FRYL: variants seen among roughly 807,000 people sequenced by gnomAD.
FRYL encodes FRY like transcription coactivator, also known as protein furry homolog-like.
In FRYL, 150 loss-of-function variants were observed where a neutral mutation model predicts 351.2. That is an observed-to-expected ratio of 0.43 (90% CI 0.37 to 0.49). The LOEUF (loss-of-function observed/expected upper bound fraction) is 0.49, where lower values mean the gene tolerates loss of function less well. Ranked by LOEUF, FRYL falls within the 20% of genes least tolerant of loss-of-function variation. The pLI is 0.00. For synonymous variants in FRYL, 1,153 were observed against 1,257.1 expected (o/e 0.92, Z 1.75); for missense variants, 3,036 against 3,619.3 (o/e 0.84, Z 4.13).
chr4:48,523,767 A>G (rs1461654798), intron 53 of FRYL, among the ~76,000 whole-genome samples: 2 of 152,252 alleles, frequency 1.3e-5, no homozygotes, highest in South Asian at 2.1e-4. Context: ...TTCAAGATTT[A>G]CAAAGGTTTA....
intron 2 of FRYL, among the ~76,000 whole-genome samples, chr4:48,694,150 G>C (rs1657318973): frequency 6.6e-6 from 1 of 152,132 alleles, no homozygotes; most frequent in Non-Finnish European, 1.5e-5. Context: ...AAGAGATTAA[G>C]CTGCATATCT....
At chr4:48,553,916 T>C (rs1025350433) in intron 35 of FRYL, among the ~76,000 whole-genome samples, 9 of 152,192 alleles carry the variant, frequency 5.9e-5, no homozygotes, top group African/African-American at 1.4e-4. Flanking sequence ...AACTCTATCA[T>C]TGGAAAGTTG....
intron 15 of FRYL, among the ~76,000 whole-genome samples, chr4:48,594,792 T>A (rs1228761308): frequency 1.3e-5 from 2 of 152,198 alleles, no homozygotes; most frequent in Non-Finnish European, 2.9e-5. Flanking sequence ...GTTGACGAGA[T>A]AACCTTACCT....
chr4:48,544,960 G>A lies in FRYL; in HGVS notation c.5280-56C>T, dbSNP rs548513119. On this transcript the variant is annotated intron_variant, in intron 42 of 63. Transcript: ENST00000358350. ...GGATTTTCACTTGTGATTAACAGTTGTACTCACACTTGCCTAAATTACACC... is the reference window on the plus strand; with the variant it reads ...GGATTTTCACTTGTGATTAACAGTTATACTCACACTTGCCTAAATTACACC... The A allele has an allele frequency of 1.0e-4, 155 of 1,545,642 alleles. No individual in the cohort carries two copies. The East Asian group carries it at 3.4e-3, about 34-fold the overall frequency.
intron 35 of FRYL, among the ~76,000 whole-genome samples, chr4:48,553,897 C>A (rs1257277423): frequency 2.6e-5 from 4 of 152,082 alleles, no homozygotes; most frequent in Non-Finnish European, 5.9e-5. Flanking sequence ...TGTGGATATA[C>A]CACTTACTAA....
intron 4 of FRYL, among the ~76,000 whole-genome samples, chr4:48,627,155 G>A (rs1421855222): frequency 6.6e-6 from 1 of 152,024 alleles, no homozygotes; most frequent in East Asian, 1.9e-4. Context: ...GTAGAACACT[G>A]TTTCTAAAAG....
At chr4:48,573,965 A>C (rs1738972462) in intron 25 of FRYL, among the ~76,000 whole-genome samples, 1 of 152,192 alleles carries the variant, frequency 6.6e-6, no homozygotes, top group African/African-American at 2.4e-5. Context: ...TTTATTAATG[A>C]ATCATTTTAT....
At chr4:48,565,440 C>T (rs1578144398) in intron 29 of FRYL, 91 bp downstream of exon 29, 1 of 948,114 alleles carries the variant, frequency 1.1e-6, no homozygotes, top group Non-Finnish European at 1.5e-6. Flanking sequence ...TTAATACTCT[C>T]AGATCCTCTT....
chr4:48,611,901 T>G (rs1027075450), intron 7 of FRYL, among the ~76,000 whole-genome samples: 24 of 152,132 alleles, frequency 1.6e-4, no homozygotes, highest in African/African-American at 3.9e-4. Context: ...AAATACCAAA[T>G]AGTAGAGAGA....
chr4:48,656,232 TTGAATATATATTA>T (rs1220598102), intron 3 of FRYL, among the ~76,000 whole-genome samples: 2 of 124,972 alleles, frequency 1.6e-5, no homozygotes, highest in African/African-American at 3.0e-5. Flanking sequence ...TCATGAAAAT[TTGAATATATATTA>T]TGAATATATA....
intron 1 of FRYL, among the ~76,000 whole-genome samples, chr4:48,774,157 G>A (rs531110445): frequency 4.9e-4 from 75 of 152,122 alleles, no homozygotes; most frequent in African/African-American, 1.7e-3. Flanking sequence ...GTGGGGATGG[G>A]ATGAAAAAGT....
At chr4:48,750,208 A>G (rs1404800024) in intron 1 of FRYL, among the ~76,000 whole-genome samples, 1 of 151,732 alleles carries the variant, frequency 6.6e-6, no homozygotes, top group African/African-American at 2.4e-5. Flanking sequence ...CGCGTATAAT[A>G]CTAGCACTCT....
chr4:48,569,981 T>G (rs1464204518), intron 27 of FRYL, among the ~76,000 whole-genome samples: 1 of 151,944 alleles, frequency 6.6e-6, no homozygotes, highest in Admixed American at 6.6e-5. Context: ...CCTGGCTGAT[T>G]GTTTGCGTTT....
chr4:48,636,906 A>G (rs1754339436), intron 3 of FRYL: 1 of 152,106 alleles, frequency 6.6e-6, no homozygotes, highest in Non-Finnish European at 1.5e-5. Context: ...TTATAATCTA[A>G]TAAACAGAAT....
rs1726111166 is a variant in FRYL, at chr4:48,525,992, T to C, written c.7317+1485A>G. 2.0e-5 allele frequency among the ~76,000 whole-genome samples: 3 copies of C among 152,058 alleles called. No individual in the cohort carries two copies. The South Asian group carries it at 6.2e-4, about 32-fold the overall frequency. On this transcript the variant is annotated intron_variant, in intron 53 of 63. Coordinates refer to ENST00000358350, the MANE Select transcript of FRYL (RefSeq NM_015030.2). Reference sequence around the variant, plus strand: ...GAGCTGTATATGAGTTGTATATGTGTATGTATATGAGAGCTGATGAATGTG... The same window carrying C: ...GAGCTGTATATGAGTTGTATATGTGCATGTATATGAGAGCTGATGAATGTG...
intron 6 of FRYL, among the ~76,000 whole-genome samples, chr4:48,619,635 A>G (rs1750249288): frequency 6.6e-6 from 1 of 152,046 alleles, no homozygotes; most frequent in South Asian, 2.1e-4. Flanking sequence ...CACCCCAAGT[A>G]GCTAGACTAC....
intron 1 of FRYL, among the ~76,000 whole-genome samples, chr4:48,776,152 CTTT>C (rs1257854116): frequency 1.4e-5 from 2 of 140,724 alleles, no homozygotes. Flanking sequence ...CTTTTCGTTT[CTTT>C]TTTTTTTTTT....
chr4:48,697,815 G>A (rs1766343333), intron 2 of FRYL, among the ~76,000 whole-genome samples: 1 of 152,178 alleles, frequency 6.6e-6, no homozygotes, highest in Admixed American at 6.5e-5. Context: ...AGAAAAAAAT[G>A]AAATAGAGAA....
At chr4:48,523,925 A>G (rs1001846990) in intron 53 of FRYL, among the ~76,000 whole-genome samples, 3 of 152,216 alleles carry the variant, frequency 2.0e-5, no homozygotes, top group African/African-American at 7.2e-5. Context: ...TCAAGATCAC[A>G]GCCATCAAAA....
Sources: gnomAD v4.1 joint callset for allele counts (sites outside exome capture counted in the v4.1 genomes callset) on GRCh38, gnomAD v4.1.1 for gene constraint, MANE v1.5 for transcripts, NCBI Gene and HGNC (gene_info 2026-07-23, HGNC 2026-07-21) for gene names.